Variants in STOX1 observed in about 807,000 individuals in gnomAD.
STOX1 encodes storkhead-box protein 1.
STOX1 carries 57 observed loss-of-function variants against 74.8 expected under a neutral mutation model. That is an observed-to-expected ratio of 0.76 (90% CI 0.62 to 0.95). The LOEUF is 0.95. Ranked by LOEUF, STOX1 falls within the 40% of genes least tolerant of loss-of-function variation. The probability of loss-of-function intolerance (pLI) is 0.00; values close to 1 mark genes in which losing one functional copy is unlikely to be tolerated. For missense variants in STOX1, 1,010 were observed against 1,117.0 expected (o/e 0.90, Z 1.37); for synonymous variants, 375 against 401.3 (o/e 0.93, Z 0.78).
At chr10:68,890,712 G>T (rs10998473) in intron 3 of STOX1, among the ~76,000 whole-genome samples, 1 of 146,238 alleles carries the variant, frequency 6.8e-6, no homozygotes, top group Non-Finnish European at 1.5e-5. Context: ...GTGCAGTAGC[G>T]CAATCTCAGC....
At chr10:68,847,931 A>G (rs889220684) in intron 1 of STOX1, among the ~76,000 whole-genome samples, 3 of 152,182 alleles carry the variant, frequency 2.0e-5, no homozygotes, top group East Asian at 3.9e-4. Context: ...GGGTTTCTCC[A>G]TGTTGGTCAG....
intron 1 of STOX1, among the ~76,000 whole-genome samples, chr10:68,856,521 A>G (rs993275376): frequency 1.2e-4 from 19 of 152,052 alleles, no homozygotes; most frequent in African/African-American, 4.4e-4. Flanking sequence ...TGACACAACT[A>G]TCAACATTCA....
chr10:68,852,979 A>G (rs1011145260), intron 1 of STOX1, among the ~76,000 whole-genome samples: 18 of 151,234 alleles, frequency 1.2e-4, no homozygotes, highest in African/African-American at 2.4e-4. Context: ...CTGGAGTTCA[A>G]TGGTGCAATC....
intron 3 of STOX1, among the ~76,000 whole-genome samples, chr10:68,890,004 G>C (rs1260274855): frequency 6.6e-6 from 1 of 151,268 alleles, no homozygotes; most frequent in Non-Finnish European, 1.5e-5. Flanking sequence ...GGCCAGGCTG[G>C]TCTCGAACTC....
At chr10:68,857,783 G>A (rs1840164155) in intron 1 of STOX1, among the ~76,000 whole-genome samples, 1 of 152,036 alleles carries the variant, frequency 6.6e-6, no homozygotes, top group Non-Finnish European at 1.5e-5. Context: ...ACCATGCACT[G>A]GGCTGCCAGG....
chr10:68,892,835 A>T lies in STOX1; in HGVS notation c.*99A>T, dbSNP rs1190031350. 16 of 1,322,016 alleles carry T rather than the reference A, an allele frequency of 1.2e-5. No homozygotes were observed. The highest frequency in any genetic ancestry group is 1.7e-5 in the Non-Finnish European group (16 of 942,066). 81.9% of individuals were successfully genotyped at this position (1,322,016 alleles called of 1,614,324 possible). The stretch of plus-strand genomic sequence containing the variant: ...AATTGAGTATATAAGAATTGTCTAA[A>T]GGCAAGCATATCTATACTATTAACC... On this transcript the variant is annotated 3_prime_UTR_variant, in exon 4 of 4. Transcript: ENST00000298596.
chr10:68,888,527 T>C (rs1841020900), intron 3 of STOX1, among the ~76,000 whole-genome samples: 1 of 152,198 alleles, frequency 6.6e-6, no homozygotes, highest in South Asian at 2.1e-4. Context: ...TTTTGCATGT[T>C]GCTTTTTAAA....
chr10:68,832,652 A>G (rs1284098441), intron 1 of STOX1, among the ~76,000 whole-genome samples: 1 of 113,882 alleles, frequency 8.8e-6, no homozygotes, highest in African/African-American at 3.1e-5. Flanking sequence ...CAACAGAGGG[A>G]AAATGTCTTA....
At chr10:68,858,819 G>A (rs1435663931) in intron 1 of STOX1, among the ~76,000 whole-genome samples, 1 of 152,128 alleles carries the variant, frequency 6.6e-6, no homozygotes, top group Admixed American at 6.5e-5. Context: ...TCTTCCATCA[G>A]TAGGAGAGAA....
intron 1 of STOX1, among the ~76,000 whole-genome samples, chr10:68,834,244 A>G (rs1399887329): frequency 6.6e-6 from 1 of 152,208 alleles, no homozygotes; most frequent in Non-Finnish European, 1.5e-5. Context: ...TGTAGAGTGT[A>G]GTATCTGCAC....
At chr10:68,880,610 A>G (rs879487393) in intron 1 of STOX1, among the ~76,000 whole-genome samples, 8 of 148,732 alleles carry the variant, frequency 5.4e-5, no homozygotes, top group Admixed American at 1.3e-4. Flanking sequence ...TTTTTTTTTC[A>G]TACTTTTGGT....
intron 1 of STOX1, among the ~76,000 whole-genome samples, chr10:68,851,945 C>A (rs1250512602): frequency 6.6e-6 from 1 of 152,066 alleles, no homozygotes; most frequent in Non-Finnish European, 1.5e-5. Flanking sequence ...ACCAACCTGG[C>A]CAACATGGTG....
chr10:68,847,978 G>A (rs761972806), intron 1 of STOX1, among the ~76,000 whole-genome samples: 11 of 152,280 alleles, frequency 7.2e-5, no homozygotes, highest in African/African-American at 1.9e-4. Flanking sequence ...TGATCTGCCC[G>A]CCTCGGCCTC....
At position 68,882,120 on chromosome 10, in the gene STOX1, T is replaced by C; in HGVS notation, c.463+10T>C. On this transcript the variant is annotated intron_variant, in intron 2 of 3. Coordinates refer to ENST00000298596, the MANE Select transcript of STOX1 (RefSeq NM_152709.5). ...ATGAAACATTACCCAGGTAGAGTAA[T>C]AAATTTTTGTCTATTTGTACTTCAC... 2.5e-6 allele frequency: 4 copies of C among 1,613,264 alleles called. No individual in the cohort carries two copies. The highest frequency in any genetic ancestry group is 3.4e-6 in the Non-Finnish European group (4 of 1,179,322).
intron 1 of STOX1, among the ~76,000 whole-genome samples, chr10:68,838,155 C>T (rs1239395147): frequency 1.3e-5 from 2 of 151,818 alleles, no homozygotes; most frequent in East Asian, 1.9e-4. Context: ...CAGCCTCGAC[C>T]TCCCAGACTT....
Position 68,884,787 on chromosome 10 carries a change from A to G in STOX1, c.991A>G (p.Ser331Gly). ...AAAGGAGAAGCCCAAAACAGAACAC[A>G]GCAGTTTCTCTGCTCAGTTCCCACC... ...SRKEKPKTEH[S>G]SFSAQFPPEE... is the part of the protein sequence containing the mutation. The change falls in exon 3 of 4, where the codon AGC becomes GGC. Residue 331 changes from serine (S) to glycine (G), a missense_variant. Ser to Gly is a moderately conservative substitution (Grantham distance 56, BLOSUM62 0). Coordinates refer to ENST00000298596, the MANE Select transcript of STOX1 (RefSeq NM_152709.5). 1 of 1,614,236 alleles carries G rather than the reference A, an allele frequency of 6.2e-7. No individual in the cohort carries two copies. Among genetic ancestry groups the G allele is most frequent in the East Asian group, 2.2e-5 (1 of 44,894 alleles).
chr10:68,842,980 G>A (rs967810650), intron 1 of STOX1, among the ~76,000 whole-genome samples: 1 of 152,048 alleles, frequency 6.6e-6, no homozygotes, highest in African/African-American at 2.4e-5. Flanking sequence ...GGAGATGTAG[G>A]GTCTGGCAAC....
chr10:68,847,484 GTT>G (rs1356126891), intron 1 of STOX1, among the ~76,000 whole-genome samples: 1 of 148,892 alleles, frequency 6.7e-6, no homozygotes, highest in Non-Finnish European at 1.5e-5. Flanking sequence ...CTCTCAGCTC[GTT>G]GCAACCTCCG....
chr10:68,828,269 G>A, intron 1 of STOX1: 5 of 1,158,762 alleles, frequency 4.3e-6, no homozygotes, highest in Non-Finnish European at 5.3e-6. Flanking sequence ...CAGGGCGGTG[G>A]GTGAGTGCGG....
Sources: gnomAD v4.1 joint callset for allele counts (sites outside exome capture counted in the v4.1 genomes callset) on GRCh38, gnomAD v4.1.1 for gene constraint, MANE v1.5 for transcripts, NCBI Gene and HGNC (gene_info 2026-07-23, HGNC 2026-07-21) for gene names.